Variants in DUXA observed in about 807,000 individuals in gnomAD.
DUXA encodes the protein double homeobox protein A.
In DUXA, 25 loss-of-function variants were observed where a neutral mutation model predicts 27.5. The observed-to-expected ratio is 0.91, with a 90% CI of 0.66 to 1.27. The LOEUF (loss-of-function observed/expected upper bound fraction) is 1.27. DUXA is among the 50% of genes most tolerant of loss of function. The pLI, the probability that DUXA is intolerant of heterozygous loss-of-function variation, is 0.00. For missense variants in DUXA, 247 were observed against 242.9 expected, an observed-to-expected ratio of 1.02 and a Z score of -0.11; for synonymous variants, 90 against 80.5, an observed-to-expected ratio of 1.12 and a Z score of -0.63.
At chr19:57,167,199 A>G (rs752610755) in intron 1 of DUXA, among the ~76,000 whole-genome samples, 1 of 152,040 alleles carries the variant, frequency 6.6e-6, no homozygotes, top group South Asian at 2.1e-4. Flanking sequence ...TGTCTTATTT[A>G]GTTCTTGAAT....
intron 5 of DUXA, 34 bp from the exon 6 acceptor site, chr19:57,154,516 A>G (rs764224187): frequency 1.3e-6 from 2 of 1,548,786 alleles, no homozygotes; most frequent in Non-Finnish European, 1.8e-6. Flanking sequence ...AAAGAATGTA[A>G]GAGATCAGCT....
intron 4 of DUXA, among the ~76,000 whole-genome samples, chr19:57,157,224 C>G (rs1478986619): frequency 6.6e-6 from 1 of 152,222 alleles, no homozygotes; most frequent in Non-Finnish European, 1.5e-5. Flanking sequence ...CACACACACC[C>G]TACACAGCAG....
rs191786638 is a variant in DUXA at position 57,165,217 on chromosome 19, A to G, written c.25+2202T>C. Among the ~76,000 whole-genome samples, 239 of 151,446 alleles carry G rather than the reference A, an allele frequency of 1.6e-3. 2 individuals carry two copies. Among genetic ancestry groups the G allele is most frequent in the Admixed American group, 2.9e-3 (44 of 15,140 alleles). ...TACATAGACCTGCCCTGATACCTTG[A>G]GAAATTGATCCTCTCTGCTTTTGTA... On this transcript the variant is annotated intron_variant, in intron 1 of 5. Coordinates refer to ENST00000554048, the MANE Select transcript of DUXA (RefSeq NM_001012729.2).
At chr19:57,163,993 G>A (rs1362319559) in intron 1 of DUXA, among the ~76,000 whole-genome samples, 4 of 152,032 alleles carry the variant, frequency 2.6e-5, no homozygotes, top group Admixed American at 6.6e-5. Context: ...GGACAGGTGG[G>A]TTCCTTGAGT....
intron 1 of DUXA, among the ~76,000 whole-genome samples, chr19:57,162,124 G>C (rs2087027186): frequency 1.3e-5 from 2 of 152,018 alleles, no homozygotes; most frequent in African/African-American, 4.8e-5. Context: ...GGGCTCAAAA[G>C]CGATTCCCCA....
rs775176929 is a variant in DUXA, at chr19:57,159,298, G to A, written c.181-20C>T. The A allele has an allele frequency of 1.2e-6, 2 of 1,605,954 alleles. No individual in the cohort carries two copies. Among genetic ancestry groups the A allele is most frequent in the South Asian group, 2.2e-5 (2 of 90,636 alleles). The stretch of plus-strand genomic sequence containing the variant: ...CCAAATCTAAGTGAGGAAAAGAAAA[G>A]GAGAGAATTACGTGTTAATGTCATT... On this transcript the variant is annotated intron_variant, in intron 2 of 5. Coordinates refer to ENST00000554048, the MANE Select transcript of DUXA (RefSeq NM_001012729.2).
At position 57,167,470 on chromosome 19, in the gene DUXA, C is replaced by A. The variant is rs1372726872; in HGVS notation, c.-27G>T. On this transcript the variant is annotated 5_prime_UTR_variant, in exon 1 of 6. Transcript: ENST00000554048. ...CTGGAAGAGAGTCCTGAAGGCTGAG[C>A]CACTGTCTGGGAGACAAGTCACTCT... 1 of 1,611,972 alleles carries A rather than the reference C, an allele frequency of 6.2e-7. No individual in the cohort carries two copies. The highest frequency in any genetic ancestry group is 8.5e-7 in the Non-Finnish European group (1 of 1,179,370).
chr19:57,166,101 G>T (rs958237533), intron 1 of DUXA, among the ~76,000 whole-genome samples: 1 of 152,048 alleles, frequency 6.6e-6, no homozygotes, highest in Non-Finnish European at 1.5e-5. Flanking sequence ...AGACATTGCA[G>T]GAGGTGGGGA....
At chr19:57,159,122 C>A (rs770095293) in intron 3 of DUXA, 45 bp downstream of exon 3, 3 of 1,551,950 alleles carry the variant, frequency 1.9e-6, no homozygotes, top group South Asian at 2.3e-5. Flanking sequence ...TTGGCTCCGC[C>A]GTAGAGAAGC....
chr19:57,165,341 ATATG>A lies in DUXA; in HGVS notation c.25+2074_25+2077del, dbSNP rs1396609353. On this transcript the variant is annotated intron_variant, in intron 1 of 5. Coordinates refer to ENST00000554048, the MANE Select transcript of DUXA (RefSeq NM_001012729.2). ...AAAAAAAAAATATATATATATATAT[ATATG>A]TATATATATATATTCATTCTTTTGA... Among the ~76,000 whole-genome samples the A allele has an allele frequency of 1.2e-3, 177 of 141,964 alleles. 2 individuals carry two copies. The highest frequency in any genetic ancestry group is 7.4e-3 in the Middle Eastern group (2 of 270). 93.1% of individuals were successfully genotyped at this position (141,964 alleles called of 152,430 possible). A position where few individuals can be genotyped will look rare whatever the true frequency, so the allele number is the denominator to read the frequency against.
Position 57,160,758 on chromosome 19 carries a change from A to G in DUXA, c.65T>C (p.Phe22Ser). 6.2e-7 allele frequency: 1 copy of G among 1,614,172 alleles called. No homozygotes were observed. Among genetic ancestry groups the G allele is most frequent in the Non-Finnish European group, 8.5e-7 (1 of 1,180,040 alleles). Reference protein sequence around the residue: ...KTNHRRCRTKFTEEQLKILIN... With the variant: ...KTNHRRCRTKSTEEQLKILIN... Reference sequence around the variant, plus strand: ...GAGGATTTTCAACTGTTCTTCTGTGAATTTTGTGCGACAGCGCCTATGATT... The same window carrying G: ...GAGGATTTTCAACTGTTCTTCTGTGGATTTTGTGCGACAGCGCCTATGATT... The change falls in exon 2 of 6, where the codon TTC becomes TCC. Residue 22 changes from phenylalanine (F) to serine (S), a missense_variant. Coordinates refer to ENST00000554048, the MANE Select transcript of DUXA (RefSeq NM_001012729.2).
At chr19:57,163,154 T>C (rs2087033121) in intron 1 of DUXA, among the ~76,000 whole-genome samples, 1 of 152,058 alleles carries the variant, frequency 6.6e-6, no homozygotes, top group Non-Finnish European at 1.5e-5. Flanking sequence ...CACTTGCTCC[T>C]CCGTCTACCC....
intron 1 of DUXA, among the ~76,000 whole-genome samples, chr19:57,165,324 A>AATATATAT (rs74179420): frequency 9.0e-5 from 8 of 89,284 alleles, no homozygotes; most frequent in African/African-American, 2.9e-4. Flanking sequence ...AAAAAAAAAA[A>AATATATAT]ATATATATAT....
At chr19:57,158,284 C>T (rs750144121) in intron 4 of DUXA, 44 bp downstream of exon 4, 24 of 1,607,080 alleles carry the variant, frequency 1.5e-5, no homozygotes, top group Non-Finnish European at 2.0e-5. Flanking sequence ...TTCCTGTATA[C>T]CTAGATCCCT....
rs73939148 is a variant in DUXA, at chr19:57,155,441, C to G, written c.439-69G>C. 8.3e-3 allele frequency: 10,479 copies of G among 1,255,426 alleles called. 676 individuals are homozygous for G. The African/African-American group carries it at 0.14, about 16-fold the overall frequency. 77.8% of individuals were successfully genotyped at this position (1,255,426 alleles called of 1,614,324 possible). On this transcript the variant is annotated intron_variant, in intron 4 of 5. Coordinates refer to ENST00000554048, the MANE Select transcript of DUXA (RefSeq NM_001012729.2). ...GTGTAAAACTCATGATTGCTTTCTT[C>G]TCTTTTTTCTTTTCTGTTTTTTGAG...
rs752626275 is a variant in DUXA at position 57,155,275 on chromosome 19, C to T, written c.536G>A (p.Gly179Glu). 1 of 1,614,076 alleles carries T rather than the reference C, an allele frequency of 6.2e-7. No homozygotes were observed. The change falls in exon 5 of 6, where the codon GGA (glycine) becomes GAA (glutamate). Residue 179 changes from glycine to glutamate, a missense_variant. By Grantham distance (98) the Gly-to-Glu change is moderately conservative. Transcript: ENST00000554048. ...AACAACAGGCTAGTTACCTTGCAGT[C>T]CCTCAGGAATCTTGCCCTGCTCTTC... ...EQEEQGKIPE[G>E]LQGAEDTQNG...
At chr19:57,162,284 G>A (rs184971634) in intron 1 of DUXA, among the ~76,000 whole-genome samples, 6 of 152,210 alleles carry the variant, frequency 3.9e-5, no homozygotes, top group Non-Finnish European at 8.8e-5. Context: ...CCACAGGGAG[G>A]ACAAAATTAG....
At chr19:57,164,447 T>C (rs2087040613) in intron 1 of DUXA, among the ~76,000 whole-genome samples, 1 of 152,040 alleles carries the variant, frequency 6.6e-6, no homozygotes, top group African/African-American at 2.4e-5. Flanking sequence ...TGGTGGTGCA[T>C]ACCTGTAATC....
At chr19:57,160,845 T>C (rs1165012829) in intron 1 of DUXA, 48 bp from the exon 2 acceptor site, 5 of 1,598,756 alleles carry the variant, frequency 3.1e-6, no homozygotes, top group East Asian at 2.2e-5. Flanking sequence ...TTAATTTATA[T>C]ACTCAAACTT....
Sources: allele counts gnomAD v4.1 joint callset (sites outside exome capture counted in the v4.1 genomes callset), GRCh38; gene constraint gnomAD v4.1.1; transcripts MANE v1.5; gene names NCBI Gene and HGNC (gene_info 2026-07-23, HGNC 2026-07-21).